Variants in EXOC4 observed in about 807,000 individuals in gnomAD.
EXOC4 encodes exocyst complex component 4, also known as SEC8-like 1.
A neutral mutation model predicts 107.2 loss-of-function variants in EXOC4; 71 were observed. The observed-to-expected ratio is 0.66, with a 90% CI of 0.55 to 0.81. The LOEUF (loss-of-function observed/expected upper bound fraction) is 0.81. Ranked by LOEUF, EXOC4 falls within the 30% of genes least tolerant of loss-of-function variation. The probability of loss-of-function intolerance (pLI) is 0.00; values close to 1 mark genes in which losing one functional copy is unlikely to be tolerated. For missense variants in EXOC4, 1,108 were observed against 1,189.6 expected, an observed-to-expected ratio of 0.93 and a Z score of 1.01; for synonymous variants, 456 against 441.2, an observed-to-expected ratio of 1.03 and a Z score of -0.42.
At position 133,412,082 on chromosome 7, in the gene EXOC4, G is replaced by T. The variant is rs114286258; in HGVS notation, c.1182+37080G>T. Among the ~76,000 whole-genome samples, 368 of 151,964 alleles carry T rather than the reference G, an allele frequency of 2.4e-3. 5 individuals are homozygous for T. Among genetic ancestry groups the T allele is most frequent in the African/African-American group, 8.3e-3 (343 of 41,490 alleles). ...TTTGATAGGAAGATGTCAGACCTTC[G>T]AGTGGATCACTAAATAATAATCACT... On this transcript the variant is annotated intron_variant, in intron 7 of 17. Coordinates refer to ENST00000253861, the MANE Select transcript of EXOC4 (RefSeq NM_021807.4).
intron 10 of EXOC4, among the ~76,000 whole-genome samples, chr7:133,763,904 A>G (rs1217061820): frequency 6.6e-6 from 1 of 152,092 alleles, no homozygotes; most frequent in Non-Finnish European, 1.5e-5. Context: ...GGATTTACCA[A>G]CTAGGAGACC....
intron 4 of EXOC4, among the ~76,000 whole-genome samples, chr7:133,310,164 A>G (rs1436384324): frequency 6.6e-6 from 1 of 152,218 alleles, no homozygotes; most frequent in African/African-American, 2.4e-5. Context: ...ATGTATATTT[A>G]AAAATCAATA....
intron 10 of EXOC4, among the ~76,000 whole-genome samples, chr7:133,799,031 G>A (rs2151192893): frequency 6.6e-6 from 1 of 152,122 alleles, no homozygotes; most frequent in East Asian, 1.9e-4. Context: ...CTCTGTCATA[G>A]AGTTCCAGTC....
chr7:133,796,761 TA>T (rs1290901982), intron 10 of EXOC4, among the ~76,000 whole-genome samples: 1 of 152,052 alleles, frequency 6.6e-6, no homozygotes, highest in Non-Finnish European at 1.5e-5. Context: ...CATTTCAAAA[TA>T]AAAAAGATTA....
chr7:133,324,126 T>A (rs1167780669), intron 5 of EXOC4, among the ~76,000 whole-genome samples: 1 of 152,208 alleles, frequency 6.6e-6, no homozygotes, highest in East Asian at 1.9e-4. Context: ...GTCTTGCTAG[T>A]GGTCTATCAA....
chr7:133,496,963 AAGC>A (rs1401620824), intron 9 of EXOC4, among the ~76,000 whole-genome samples: 1 of 152,168 alleles, frequency 6.6e-6, no homozygotes, highest in African/African-American at 2.4e-5. Context: ...AAGAGACAAA[AAGC>A]AGCAGAAGGT....
At chr7:133,814,917 T>C (rs1457007203) in intron 10 of EXOC4, among the ~76,000 whole-genome samples, 1 of 152,210 alleles carries the variant, frequency 6.6e-6, no homozygotes, top group Non-Finnish European at 1.5e-5. Context: ...ATTGTAAATA[T>C]ATCTTCCCAG....
chr7:133,591,569 C>CGTGTGT (rs918271151), intron 9 of EXOC4, among the ~76,000 whole-genome samples: 3 of 14,594 alleles, frequency 2.1e-4, no homozygotes, highest in Non-Finnish European at 7.0e-4. Flanking sequence ...TGTGTGTGTG[C>CGTGTGT]GTGTGTGTGT....
chr7:133,813,509 A>G (rs1797287388), intron 10 of EXOC4, among the ~76,000 whole-genome samples: 1 of 152,334 alleles, frequency 6.6e-6, no homozygotes, highest in Admixed American at 6.5e-5. Flanking sequence ...TTTGGAAGGC[A>G]ACCAAGTAGA....
chr7:133,748,691 A>G (rs1795727224), intron 10 of EXOC4, among the ~76,000 whole-genome samples: 2 of 152,198 alleles, frequency 1.3e-5, no homozygotes, highest in Non-Finnish European at 2.9e-5. Flanking sequence ...AGAGGGTCAT[A>G]TAGAGCACAG....
chr7:133,254,526 A>G (rs1044676159), intron 1 of EXOC4, among the ~76,000 whole-genome samples: 1 of 152,150 alleles, frequency 6.6e-6, no homozygotes, highest in Non-Finnish European at 1.5e-5. Flanking sequence ...CCTTTTTTGA[A>G]CTTGTTTGTT....
At chr7:133,501,543 A>G (rs951220145) in intron 9 of EXOC4, among the ~76,000 whole-genome samples, 1 of 152,214 alleles carries the variant, frequency 6.6e-6, no homozygotes, top group African/African-American at 2.4e-5. Flanking sequence ...AGTCAGAAAC[A>G]GAGAGAAGGG....
chr7:133,472,290 C>T (rs141603799), intron 7 of EXOC4, among the ~76,000 whole-genome samples: 51 of 152,220 alleles, frequency 3.4e-4, no homozygotes, highest in African/African-American at 1.2e-3. Context: ...ATGAAAACTA[C>T]ATGAATTGAA....
intron 10 of EXOC4, among the ~76,000 whole-genome samples, chr7:133,734,260 A>G (rs1795391878): frequency 6.6e-6 from 1 of 152,322 alleles, no homozygotes; most frequent in Admixed American, 6.5e-5. Flanking sequence ...TGATGAGAAC[A>G]TCCCAAGTAC....
At chr7:133,713,915 C>G (rs1002615207) in intron 10 of EXOC4, among the ~76,000 whole-genome samples, 6 of 152,038 alleles carry the variant, frequency 3.9e-5, no homozygotes, top group African/African-American at 1.5e-4. Context: ...TCAGGCAGTT[C>G]TTTATAGCAG....
chr7:134,031,401 A>G (rs190849565), intron 17 of EXOC4, among the ~76,000 whole-genome samples: 27 of 152,280 alleles, frequency 1.8e-4, no homozygotes, highest in Non-Finnish European at 3.2e-4. Context: ...AAAAGGGGAA[A>G]CATTTTTATG....
At chr7:133,829,939 T>C (rs539631233) in intron 11 of EXOC4, among the ~76,000 whole-genome samples, 9 of 152,288 alleles carry the variant, frequency 5.9e-5, no homozygotes, top group African/African-American at 1.9e-4. Context: ...AAAAAAGCCA[T>C]CTAGGCTTCT....
At chr7:133,701,764 C>A (rs1794659910) in intron 10 of EXOC4, among the ~76,000 whole-genome samples, 1 of 151,674 alleles carries the variant, frequency 6.6e-6, no homozygotes, top group African/African-American at 2.4e-5. Flanking sequence ...AAGGTTGGAC[C>A]CCAGTCTAAA....
intron 5 of EXOC4, among the ~76,000 whole-genome samples, chr7:133,343,610 T>C (rs982038160): frequency 2.3e-4 from 35 of 151,676 alleles, no homozygotes; most frequent in Non-Finnish European, 3.5e-4. Flanking sequence ...TTTTTTTTTC[T>C]GAGTTTCATC....
Sources: gnomAD v4.1 joint callset for allele counts (sites outside exome capture counted in the v4.1 genomes callset) on GRCh38, gnomAD v4.1.1 for gene constraint, MANE v1.5 for transcripts, NCBI Gene and HGNC (gene_info 2026-07-23, HGNC 2026-07-21) for gene names.